DBX2: variants seen among roughly 807,000 people sequenced by gnomAD.
DBX2 encodes developing brain homeobox 2.
DBX2 carries 16 observed loss-of-function variants against 17.7 expected under a neutral mutation model. The ratio of observed to expected loss-of-function variants is 0.90; its 90% CI spans 0.61 to 1.37. The LOEUF (loss-of-function observed/expected upper bound fraction) is 1.37. Among genes scored for constraint, DBX2 ranks in the 40% most tolerant of loss-of-function variants. DBX2 has a pLI of 0.00. For synonymous variants in DBX2, 255 were observed against 183.8 expected (o/e 1.39, Z -3.13); for missense variants, 538 against 433.8 (o/e 1.24, Z -2.13).
chr12:45,027,161 G>A (rs761270325), intron 2 of DBX2, among the ~76,000 whole-genome samples: 10 of 152,150 alleles, frequency 6.6e-5, no homozygotes, highest in Non-Finnish European at 1.3e-4. Context: ...GATTTTATAA[G>A]GCTGCTCCCA....
intron 3 of DBX2, among the ~76,000 whole-genome samples, chr12:45,019,309 A>G (rs1246754611): frequency 1.3e-5 from 2 of 152,112 alleles, no homozygotes; most frequent in East Asian, 3.9e-4. Context: ...AGAAAAAAAG[A>G]TGCAGCCATG....
intron 2 of DBX2, among the ~76,000 whole-genome samples, chr12:45,027,752 A>T (rs1456711547): frequency 6.6e-6 from 1 of 152,228 alleles, no homozygotes; most frequent in East Asian, 1.9e-4. Context: ...TCCACTGTCC[A>T]TGTTTTAAGT....
At chr12:45,039,456 G>A (rs1011522180) in intron 1 of DBX2, among the ~76,000 whole-genome samples, 1 of 151,190 alleles carries the variant, frequency 6.6e-6, no homozygotes, top group African/African-American at 2.4e-5. Flanking sequence ...CTTGGAAGGT[G>A]CTCTGAAAAA....
rs1946434443 is a variant in DBX2 at position 45,035,390 on chromosome 12, T to TCCTTTACTTTTATGCCTGCACACAC, written c.499+628_499+629insGTGTGTGCAGGCATAAAAGTAAAGG. Among the ~76,000 whole-genome samples the TCCTTTACTTTTATGCCTGCACACAC allele has an allele frequency of 2.0e-5, 3 of 152,222 alleles. No individual in the cohort carries two copies. In the South Asian group the frequency reaches 6.2e-4, roughly 31 times the overall value. On this transcript the variant is annotated intron_variant, in intron 2 of 3. Transcript: ENST00000332700. ...GAGTTTTACTTTTATGCCTGCATTT[T>TCCTTTACTTTTATGCCTGCACACAC]TCCTTTGAGTGTGAGAGTGTGTGTG...
intron 1 of DBX2, among the ~76,000 whole-genome samples, chr12:45,050,241 G>A (rs575793452): frequency 5.3e-5 from 8 of 152,296 alleles, no homozygotes; most frequent in African/African-American, 1.9e-4. Context: ...TCCCAGTTAA[G>A]GCCAAAAAGT....
In DBX2 at chr12:45,015,632, T is replaced by C. The variant is rs1029289229; in HGVS notation, c.*654A>G. ...GGTCCAGAGACTTGGAGATTAAGGA[T>C]ACTAATAGTTATATACAGAAATTCT... On this transcript the variant is annotated 3_prime_UTR_variant, in exon 4 of 4. Transcript: ENST00000332700. 6.6e-6 allele frequency: 1 copy of C among 152,210 alleles called. No homozygotes were observed. The highest frequency in any genetic ancestry group is 2.4e-5 in the African/African-American group (1 of 41,460). The allele number at this position is 152,210 out of a possible 1,614,324, so 9.4% of individuals were successfully genotyped here.
chr12:45,029,374 G>A (rs1346417119), intron 2 of DBX2, among the ~76,000 whole-genome samples: 1 of 152,146 alleles, frequency 6.6e-6, no homozygotes, highest in Non-Finnish European at 1.5e-5. Context: ...ACAATCCCTG[G>A]AAGAAGAAAT....
In DBX2 at chr12:45,042,865, C is replaced by T. The variant is rs58293230; in HGVS notation, c.404-6751G>A. On this transcript the variant is annotated intron_variant, in intron 1 of 3. Coordinates refer to ENST00000332700, the MANE Select transcript of DBX2 (RefSeq NM_001004329.3). ...AACAAGTTGACAGAGTCTGGCTTCC[C>T]TCCAGCTGTGGGACGTTAGTTCACC... 7.3e-3 allele frequency among the ~76,000 whole-genome samples: 1,105 copies of T among 152,284 alleles called. 11 individuals carry two copies. Among genetic ancestry groups the T allele is most frequent in the African/African-American group, 0.025 (1,050 of 41,548 alleles).
chr12:45,035,170 A>G (rs1424949909), intron 2 of DBX2, among the ~76,000 whole-genome samples: 2 of 152,220 alleles, frequency 1.3e-5, no homozygotes, highest in African/African-American at 4.8e-5. Flanking sequence ...TCTGAATTCA[A>G]CCGTGATGGG....
chr12:45,032,611 T>A (rs1946416313), intron 2 of DBX2, among the ~76,000 whole-genome samples: 1 of 152,140 alleles, frequency 6.6e-6, no homozygotes, highest in South Asian at 2.1e-4. Context: ...GTGTATTACG[T>A]TTTTTTAAGT....
intron 2 of DBX2, among the ~76,000 whole-genome samples, chr12:45,025,406 C>T (rs1323878907): frequency 6.6e-6 from 1 of 152,062 alleles, no homozygotes; most frequent in Admixed American, 6.6e-5. Flanking sequence ...TTGATTTTAG[C>T]CCTATGAGAC....
intron 1 of DBX2, among the ~76,000 whole-genome samples, chr12:45,037,757 T>G (rs188359966): frequency 2.0e-5 from 3 of 152,260 alleles, no homozygotes; most frequent in African/African-American, 7.2e-5. Context: ...AATAAGAATT[T>G]TTATAGCATT....
Position 45,036,046 on chromosome 12 carries a change from G to A in DBX2, c.472C>T (p.Arg158Cys), listed in dbSNP as rs781083157. The A allele has an allele frequency of 3.6e-5, 58 of 1,613,496 alleles. No individual in the cohort carries two copies. The highest frequency in any genetic ancestry group is 4.5e-5 in the East Asian group (2 of 44,858). ...GGAAAAGCAGTGGAGGATGCAGGGC[G>A]CCGACAGGACCCACCGCAGCACGCC... ...YSACCGGSCR[R>C]PASSTAFPRE... is the part of the protein sequence containing the mutation. Residue 158 changes from arginine (R) to cysteine (C), a missense_variant, in exon 2 of 4, where the codon CGC (arginine) becomes TGC (cysteine). Arg to Cys is a radical substitution (Grantham distance 180). Transcript: ENST00000332700.
intron 1 of DBX2, among the ~76,000 whole-genome samples, chr12:45,044,700 T>C (rs1416718704): frequency 1.3e-5 from 2 of 152,176 alleles, no homozygotes; most frequent in African/African-American, 2.4e-5. Context: ...AAAACTCCTA[T>C]AGGCTTTTTG....
intron 1 of DBX2, among the ~76,000 whole-genome samples, chr12:45,038,814 A>G (rs1946453974): frequency 6.6e-6 from 1 of 152,036 alleles, no homozygotes; most frequent in Non-Finnish European, 1.5e-5. Context: ...TTTAACCAGA[A>G]AAACCATTTT....
intron 2 of DBX2, among the ~76,000 whole-genome samples, chr12:45,035,766 T>G (rs1946436683): frequency 6.6e-6 from 1 of 152,150 alleles, no homozygotes; most frequent in Non-Finnish European, 1.5e-5. Context: ...ATCTTTTATA[T>G]CAAATGGAAA....
intron 1 of DBX2, among the ~76,000 whole-genome samples, chr12:45,047,654 C>T (rs1946507109): frequency 6.6e-6 from 1 of 152,106 alleles, no homozygotes; most frequent in African/African-American, 2.4e-5. Flanking sequence ...CTAATTTCTT[C>T]CATTATGGGC....
At chr12:45,027,802 C>T (rs1946389208) in intron 2 of DBX2, among the ~76,000 whole-genome samples, 1 of 152,186 alleles carries the variant, frequency 6.6e-6, no homozygotes, top group Non-Finnish European at 1.5e-5. Flanking sequence ...AGCATTGTAG[C>T]AGCCTTTTTG....
chr12:45,048,156 G>T (rs1433662484), intron 1 of DBX2, among the ~76,000 whole-genome samples: 2 of 152,086 alleles, frequency 1.3e-5, no homozygotes, highest in Non-Finnish European at 2.9e-5. Flanking sequence ...AAACCAAAAT[G>T]CATGCAGAAG....
Sources: allele counts gnomAD v4.1 joint callset (sites outside exome capture counted in the v4.1 genomes callset), GRCh38; gene constraint gnomAD v4.1.1; transcripts MANE v1.5; gene names NCBI Gene and HGNC (gene_info 2026-07-23, HGNC 2026-07-21).